Variants in THSD7A observed in about 807,000 individuals in gnomAD.
The protein encoded by THSD7A is thrombospondin type 1 domain containing 7A, also known as thrombospondin type-1 domain-containing protein 7A.
In THSD7A, 96 loss-of-function variants were observed where a neutral mutation model predicts 231.3. That is an observed-to-expected ratio of 0.41 (90% CI 0.35 to 0.49). THSD7A has a LOEUF of 0.49. Among genes scored for constraint, THSD7A ranks in the 20% least tolerant of loss-of-function variants. The probability of loss-of-function intolerance (pLI) is 0.05; values close to 1 mark genes in which losing one functional copy is unlikely to be tolerated. For missense variants in THSD7A, 2,290 were observed against 2,070.2 expected (o/e 1.11, Z -2.06); for synonymous variants, 940 against 743.3 (o/e 1.26, Z -4.30).
intron 8 of THSD7A, among the ~76,000 whole-genome samples, chr7:11,473,603 GATTT>G (rs1261627192): frequency 6.6e-6 from 1 of 152,040 alleles, no homozygotes; most frequent in African/African-American, 2.4e-5. Context: ...TTTTAGAGTA[GATTT>G]ATTAATTTTC....
rs1035171038 is a variant in THSD7A, at chr7:11,375,221, G to T, written c.*573C>A. On this transcript the variant is annotated 3_prime_UTR_variant, in exon 28 of 28. Transcript: ENST00000423059. ...AAGAGGCTTTGTCTCTGAAATGCAG[G>T]TCAATAAAATCTACCATCGACCACC... 1 of 151,778 alleles carries T rather than the reference G, an allele frequency of 6.6e-6. No individual in the cohort carries two copies. The highest frequency in any genetic ancestry group is 2.4e-5 in the African/African-American group (1 of 41,340). The allele number at this position is 151,778 out of a possible 1,614,324, so 9.4% of individuals were successfully genotyped here. A position where few individuals can be genotyped will look rare whatever the true frequency, so the allele number is the denominator to read the frequency against.
chr7:11,698,269 G>A (rs1780463512), intron 1 of THSD7A, among the ~76,000 whole-genome samples: 1 of 151,106 alleles, frequency 6.6e-6, no homozygotes, highest in South Asian at 2.1e-4. Flanking sequence ...ATATGATCGT[G>A]GTAGATAGGA....
chr7:11,657,756 G>A (rs548139374), intron 1 of THSD7A, among the ~76,000 whole-genome samples: 1 of 151,882 alleles, frequency 6.6e-6, no homozygotes, highest in Non-Finnish European at 1.5e-5. Context: ...GTGCTAGACT[G>A]ACAGTAAATA....
intron 13 of THSD7A, among the ~76,000 whole-genome samples, chr7:11,445,571 G>C (rs944378340): frequency 1.4e-4 from 21 of 151,298 alleles, no homozygotes; most frequent in Non-Finnish European, 2.1e-4. Flanking sequence ...GAGAATAAAC[G>C]TTTGAGTTTT....
intron 1 of THSD7A, among the ~76,000 whole-genome samples, chr7:11,781,934 GA>G (rs1402460172): frequency 6.6e-6 from 1 of 152,018 alleles, no homozygotes; most frequent in Admixed American, 6.6e-5. Flanking sequence ...TTTATTTCAG[GA>G]GTCTTTCCTC....
intron 1 of THSD7A, among the ~76,000 whole-genome samples, chr7:11,795,354 C>A (rs1339238402): frequency 6.6e-6 from 1 of 151,874 alleles, no homozygotes; most frequent in Admixed American, 6.6e-5. Flanking sequence ...CCGAGCTCTA[C>A]CCCTACTGGT....
At chr7:11,558,055 T>C (rs570492238) in intron 4 of THSD7A, among the ~76,000 whole-genome samples, 1 of 152,204 alleles carries the variant, frequency 6.6e-6, no homozygotes, top group East Asian at 1.9e-4. Flanking sequence ...GAGCAGGAAT[T>C]TGTTAGGGTT....
rs370746151 is a variant in THSD7A, at chr7:11,424,819, A to G, written c.3260T>C (p.Val1087Ala). Residue 1087 changes from valine (V) to alanine (A), a missense_variant, in exon 16 of 28, where the codon GTT becomes GCT. By Grantham distance (64) the Val-to-Ala change is moderately conservative (BLOSUM62 0). Transcript: ENST00000423059. Reference sequence around the variant, plus strand: ...GTTGCAGTCACTGTGGCATGGGACAACCTCATACACCTGAAACACACATGG... The same window carrying G: ...GTTGCAGTCACTGTGGCATGGGACAGCCTCATACACCTGAAACACACATGG... ...DHVNQAQVYE[V>A]VPCHSDCNQY... is the part of the protein sequence containing the mutation. 6.2e-6 allele frequency: 10 copies of G among 1,613,832 alleles called. No individual in the cohort carries two copies. Among genetic ancestry groups the G allele is most frequent in the African/African-American group, 1.3e-5 (1 of 74,898 alleles).
intron 1 of THSD7A, among the ~76,000 whole-genome samples, chr7:11,794,131 C>T (rs1217385739): frequency 6.6e-6 from 1 of 151,838 alleles, no homozygotes; most frequent in Non-Finnish European, 1.5e-5. Context: ...TATGTAATTT[C>T]CATTATAATA....
chr7:11,400,231 A>C (rs974870507), intron 23 of THSD7A, among the ~76,000 whole-genome samples: 36 of 151,874 alleles, frequency 2.4e-4, no homozygotes, highest in Non-Finnish European at 4.4e-4. Flanking sequence ...TAATGGGTGC[A>C]GCACACCAAC....
intron 1 of THSD7A, among the ~76,000 whole-genome samples, chr7:11,721,972 C>T (rs941763952): frequency 2.6e-5 from 4 of 151,886 alleles, no homozygotes; most frequent in African/African-American, 9.6e-5. Flanking sequence ...ACGCTCTTTC[C>T]CTTGCTTCAA....
chr7:11,480,862 G>T (rs528068823), intron 7 of THSD7A, among the ~76,000 whole-genome samples: 2 of 152,058 alleles, frequency 1.3e-5, no homozygotes, highest in South Asian at 4.2e-4. Context: ...CGATAATTTG[G>T]GGAAAACATA....
Position 11,791,672 on chromosome 7 carries a change from T to C in THSD7A, c.190+40085A>G, listed in dbSNP as rs540583683. 2.0e-5 allele frequency among the ~76,000 whole-genome samples: 3 copies of C among 151,996 alleles called. No individual in the cohort carries two copies. The South Asian group carries it at 6.2e-4, about 31-fold the overall frequency. Reference sequence around the variant, plus strand: ...TTAGACGAAAAGAGAGCATAACCTATCTAGTGTAGTTCTTTAAATGTTAAA... The same window carrying C: ...TTAGACGAAAAGAGAGCATAACCTACCTAGTGTAGTTCTTTAAATGTTAAA... On this transcript the variant is annotated intron_variant, in intron 1 of 27. Transcript: ENST00000423059.
At chr7:11,490,147 C>G (rs1444824072) in intron 6 of THSD7A, among the ~76,000 whole-genome samples, 1 of 152,010 alleles carries the variant, frequency 6.6e-6, no homozygotes, top group Non-Finnish European at 1.5e-5. Flanking sequence ...AAAAGGCTGT[C>G]TTCCTTCTTC....
At chr7:11,822,022 C>T (rs1164187337) in intron 1 of THSD7A, among the ~76,000 whole-genome samples, 1 of 151,968 alleles carries the variant, frequency 6.6e-6, no homozygotes, top group Non-Finnish European at 1.5e-5. Context: ...CAAGTATTAC[C>T]TAGTTTCCCT....
chr7:11,766,113 A>T (rs1186398737), intron 1 of THSD7A, among the ~76,000 whole-genome samples: 1 of 152,198 alleles, frequency 6.6e-6, no homozygotes. Context: ...AGCTGTTTGA[A>T]GTCTCATGCC....
At chr7:11,419,790 C>T (rs753930973) in intron 16 of THSD7A, among the ~76,000 whole-genome samples, 7 of 152,108 alleles carry the variant, frequency 4.6e-5, no homozygotes, top group Non-Finnish European at 1.0e-4. Context: ...TGGTGAAATC[C>T]AGGCTGAGGT....
At chr7:11,502,370 C>T (rs190059129) in intron 6 of THSD7A, among the ~76,000 whole-genome samples, 4 of 152,042 alleles carry the variant, frequency 2.6e-5, no homozygotes, top group African/African-American at 9.7e-5. Context: ...TGATGAACAT[C>T]GATGCAACTA....
intron 1 of THSD7A, among the ~76,000 whole-genome samples, chr7:11,778,355 T>C (rs1351988116): frequency 1.3e-5 from 2 of 152,046 alleles, no homozygotes; most frequent in Admixed American, 1.3e-4. Flanking sequence ...CCATTAATTG[T>C]TTCTCGCCAT....
Sources: allele counts gnomAD v4.1 joint callset (sites outside exome capture counted in the v4.1 genomes callset), GRCh38; gene constraint gnomAD v4.1.1; transcripts MANE v1.5; gene names NCBI Gene and HGNC (gene_info 2026-07-23, HGNC 2026-07-21).